ADD3: variants seen among roughly 807,000 people sequenced by gnomAD.
ADD3 encodes the protein adducin 3.
In ADD3, 25 loss-of-function variants were observed where a neutral mutation model predicts 80.2. The ratio of observed to expected loss-of-function variants is 0.31; its 90% CI spans 0.23 to 0.44. The LOEUF is 0.44. Ranked by LOEUF, ADD3 falls within the 20% of genes least tolerant of loss-of-function variation. ADD3 has a pLI of 1.00. For missense variants in ADD3, 829 were observed against 847.5 expected, an observed-to-expected ratio of 0.98 and a Z score of 0.27; for synonymous variants, 284 against 289.6, an observed-to-expected ratio of 0.98 and a Z score of 0.20.
chr10:110,034,373 CTT>C (rs1184151638), intron 1 of ADD3, among the ~76,000 whole-genome samples: 1 of 151,436 alleles, frequency 6.6e-6, no homozygotes, highest in African/African-American at 2.4e-5. Context: ...TATAATTTTC[CTT>C]TTGTTTCAAA....
intron 1 of ADD3, among the ~76,000 whole-genome samples, chr10:110,074,873 A>G (rs999788011): frequency 1.3e-5 from 2 of 152,172 alleles, no homozygotes; most frequent in Non-Finnish European, 2.9e-5. Flanking sequence ...TTTATTTAAA[A>G]TCTACAAAAC....
intron 1 of ADD3, among the ~76,000 whole-genome samples, chr10:109,998,242 T>C (rs1254131625): frequency 6.6e-6 from 1 of 152,224 alleles, no homozygotes; most frequent in East Asian, 1.9e-4. Context: ...CTTCTCTGTC[T>C]CAGGTAATGG....
intron 1 of ADD3, among the ~76,000 whole-genome samples, chr10:110,031,037 A>G (rs981563315): frequency 6.6e-6 from 1 of 152,078 alleles, no homozygotes; most frequent in African/African-American, 2.4e-5. Flanking sequence ...GCACTTTGGG[A>G]GACCGAGGCA....
chr10:110,079,453 A>AGTGTGT (rs1461714401), intron 1 of ADD3, among the ~76,000 whole-genome samples: 1 of 132,910 alleles, frequency 7.5e-6, no homozygotes, highest in East Asian at 2.1e-4. Flanking sequence ...AGAGAGAGAG[A>AGTGTGT]GAGAGAGAGT....
At chr10:110,084,186 C>T (rs1846413832) in intron 1 of ADD3, among the ~76,000 whole-genome samples, 1 of 152,164 alleles carries the variant, frequency 6.6e-6, no homozygotes, top group Non-Finnish European at 1.5e-5. Context: ...TTTACTCTTC[C>T]TGGTGAATTA....
At chr10:110,090,939 A>G (rs780224016) in intron 1 of ADD3, among the ~76,000 whole-genome samples, 1 of 152,156 alleles carries the variant, frequency 6.6e-6, no homozygotes, top group Admixed American at 6.5e-5. Flanking sequence ...CCTGGACTTT[A>G]TATTGAGGTT....
upstream of ADD3, among the ~76,000 whole-genome samples, chr10:110,005,481 T>C (rs922418804): frequency 6.6e-6 from 1 of 152,278 alleles, no homozygotes; most frequent in African/African-American, 2.4e-5. Flanking sequence ...CCATTGCTTC[T>C]AGTCACATAA....
At chr10:110,050,713 G>T (rs950412541) in intron 1 of ADD3, among the ~76,000 whole-genome samples, 1 of 151,946 alleles carries the variant, frequency 6.6e-6, no homozygotes, top group African/African-American at 2.4e-5. Flanking sequence ...GTTTCACCAT[G>T]TTGGCCAGGC....
chr10:110,081,326 T>TAGG (rs1846027890), intron 1 of ADD3, among the ~76,000 whole-genome samples: 1 of 152,196 alleles, frequency 6.6e-6, no homozygotes, highest in African/African-American at 2.4e-5. Context: ...AGTTAAATGC[T>TAGG]AGGAGTACCT....
At chr10:110,004,783 C>T (rs566284790), upstream of ADD3, among the ~76,000 whole-genome samples, 1 of 152,244 alleles carries the variant, frequency 6.6e-6, no homozygotes, top group East Asian at 1.9e-4. Flanking sequence ...TTTGAGATCA[C>T]ACCTCTTCAT....
intron 1 of ADD3, chr10:110,016,651 G>T (rs899606682): frequency 2.0e-5 from 3 of 152,140 alleles, no homozygotes; most frequent in African/African-American, 4.8e-5. Context: ...TGAATACTTC[G>T]ATTGTTTTTT....
intron 1 of ADD3, among the ~76,000 whole-genome samples, chr10:110,054,968 G>T (rs970833158): frequency 6.6e-6 from 1 of 151,262 alleles, no homozygotes; most frequent in Non-Finnish European, 1.5e-5. Context: ...TCTCCATGTT[G>T]GCCAGGCTGG....
intron 9 of ADD3, 72 bp from the exon 10 acceptor site, chr10:110,123,945 A>C (rs1851826125): frequency 6.8e-7 from 1 of 1,465,842 alleles, no homozygotes; most frequent in Non-Finnish European, 9.3e-7. Context: ...TTTGTATACA[A>C]AAGGAATTAG....
chr10:110,001,076 C>T (rs1851474957), upstream of ADD3, among the ~76,000 whole-genome samples: 1 of 152,130 alleles, frequency 6.6e-6, no homozygotes. Flanking sequence ...TATGTTATGT[C>T]ATTTAATCCT....
At position 110,124,019 on chromosome 10, in the gene ADD3, G is replaced by A; in HGVS notation, c.1146G>A (p.Gly382=). 6.2e-7 allele frequency: 1 copy of A among 1,613,964 alleles called. No individual in the cohort carries two copies. Among genetic ancestry groups the A allele is most frequent in the Non-Finnish European group, 8.5e-7 (1 of 1,179,948 alleles). The change falls in exon 10 of 15, where the codon GGG becomes GGA. Residue 382 remains glycine, a splice_region_variant and synonymous_variant. Transcript: ENST00000356080. ...EGLMRTLDNL[G]YRTGYAYRHP... ...AATGTGGCTTTTCCCTCCCTTAGGGGTATAGAACAGGCTATGCTTACAGGC... is the reference window on the plus strand; with the variant it reads ...AATGTGGCTTTTCCCTCCCTTAGGGATATAGAACAGGCTATGCTTACAGGC...
At chr10:110,073,554 A>G (rs1845034033) in intron 1 of ADD3, among the ~76,000 whole-genome samples, 1 of 152,224 alleles carries the variant, frequency 6.6e-6, no homozygotes, top group South Asian at 2.1e-4. Flanking sequence ...AAATTATTCC[A>G]GTGGCACTTT....
chr10:110,097,502 A>G (rs1189433452), intron 1 of ADD3, among the ~76,000 whole-genome samples: 1 of 152,200 alleles, frequency 6.6e-6, no homozygotes, highest in East Asian at 1.9e-4. Context: ...AAAAATAGTG[A>G]AAGAATTCCT....
chr10:110,120,179 T>G (rs1356807877), intron 8 of ADD3, among the ~76,000 whole-genome samples: 1 of 149,094 alleles, frequency 6.7e-6, no homozygotes, highest in Non-Finnish European at 1.5e-5. Flanking sequence ...ACCCACCAAC[T>G]CGTCATCTAG....
chr10:110,034,363 T>C (rs1472412147), intron 1 of ADD3, among the ~76,000 whole-genome samples: 7 of 152,042 alleles, frequency 4.6e-5, no homozygotes, highest in Non-Finnish European at 1.0e-4. Flanking sequence ...ATTTTGTAAA[T>C]ATAATTTTCC....
Sources: gnomAD v4.1 joint callset for allele counts (sites outside exome capture counted in the v4.1 genomes callset) on GRCh38, gnomAD v4.1.1 for gene constraint, MANE v1.5 for transcripts, NCBI Gene and HGNC (gene_info 2026-07-23, HGNC 2026-07-21) for gene names.